NRXN1: variants seen among roughly 807,000 people sequenced by gnomAD.
NRXN1 encodes neurexin-1.
NRXN1 carries 39 observed loss-of-function variants against 150.9 expected under a neutral mutation model. The ratio of observed to expected loss-of-function variants is 0.26; its 90% CI spans 0.20 to 0.34. The LOEUF is 0.34. Among genes scored for constraint, NRXN1 ranks in the 10% least tolerant of loss-of-function variants. The pLI is 1.00. For missense variants in NRXN1, 1,815 were observed against 1,949.9 expected (o/e 0.93, Z 1.30); for synonymous variants, 924 against 757.0 (o/e 1.22, Z -3.62).
chr2:50,750,440 GAGAAA>G (rs908616428), intron 5 of NRXN1, among the ~76,000 whole-genome samples: 1 of 151,768 alleles, frequency 6.6e-6, no homozygotes, highest in Non-Finnish European at 1.5e-5. Flanking sequence ...AGGAAGAGAA[GAGAAA>G]AGAAGAGAAG....
intron 5 of NRXN1, among the ~76,000 whole-genome samples, chr2:50,868,123 G>C (rs1242408562): frequency 8.6e-6 from 1 of 115,686 alleles, no homozygotes; most frequent in African/African-American, 3.2e-5. Context: ...ATCACTGGAT[G>C]AATGGATAAA....
At chr2:50,895,569 T>C (rs573456897) in intron 5 of NRXN1, among the ~76,000 whole-genome samples, 2 of 117,700 alleles carry the variant, frequency 1.7e-5, no homozygotes, top group Non-Finnish European at 4.1e-5. Flanking sequence ...TTTTTGGTTG[T>C]TTTTTTTGTT....
chr2:50,083,318 A>G (rs72832033), intron 19 of NRXN1, among the ~76,000 whole-genome samples: 1 of 152,352 alleles, frequency 6.6e-6, no homozygotes, highest in Non-Finnish European at 1.5e-5. Context: ...AAACATCTGC[A>G]TTATCTGTTT....
chr2:50,399,465 T>C (rs1173427249), intron 17 of NRXN1, among the ~76,000 whole-genome samples: 1 of 151,892 alleles, frequency 6.6e-6, no homozygotes, highest in Non-Finnish European at 1.5e-5. Context: ...TTACCACAGT[T>C]GGGAAAAATA....
At chr2:50,835,271 A>G (rs1671951996) in intron 5 of NRXN1, among the ~76,000 whole-genome samples, 1 of 152,194 alleles carries the variant, frequency 6.6e-6, no homozygotes, top group Non-Finnish European at 1.5e-5. Context: ...ATGATATAAA[A>G]GAAAATCTAA....
At chr2:50,141,743 C>T (rs192853054) in intron 18 of NRXN1, among the ~76,000 whole-genome samples, 3 of 151,962 alleles carry the variant, frequency 2.0e-5, no homozygotes, top group Admixed American at 6.6e-5. Flanking sequence ...ATATGAAAAT[C>T]CAAACCTCCA....
At chr2:50,840,956 G>T (rs1393517370) in intron 5 of NRXN1, 1 of 152,476 alleles carries the variant, frequency 6.6e-6, no homozygotes, top group Non-Finnish European at 1.5e-5. Context: ...TCAGAAAGAA[G>T]TGCTAATTAG....
chr2:50,978,407 A>G (rs199725415), intron 2 of NRXN1, among the ~76,000 whole-genome samples: 2 of 149,816 alleles, frequency 1.3e-5, no homozygotes, highest in South Asian at 2.1e-4. Context: ...TTTTCAGGTC[A>G]ACAATATGTA....
chr2:50,372,196 C>A (rs1381687085), intron 17 of NRXN1, among the ~76,000 whole-genome samples: 1 of 152,026 alleles, frequency 6.6e-6, no homozygotes, highest in Admixed American at 6.6e-5. Context: ...TTCAGTTTGT[C>A]AGTATTCTCT....
chr2:50,359,006 A>T (rs2079008132), intron 17 of NRXN1, among the ~76,000 whole-genome samples: 1 of 152,230 alleles, frequency 6.6e-6, no homozygotes, highest in Non-Finnish European at 1.5e-5. Flanking sequence ...AGGAAAAGTA[A>T]CAGAAAGGAA....
intron 21 of NRXN1, chr2:49,973,200 C>T (rs1678261072): frequency 2.0e-5 from 3 of 152,130 alleles, no homozygotes; most frequent in Non-Finnish European, 4.4e-5. Flanking sequence ...ATTATTTCAT[C>T]TGGGAGGCAT....
chr2:50,919,217 G>T (rs1174540694), intron 5 of NRXN1: 1 of 151,712 alleles, frequency 6.6e-6, no homozygotes, highest in Non-Finnish European at 1.5e-5. Context: ...AAGGGATTTT[G>T]CAGTTTCCAA....
At chr2:50,324,861 T>G (rs1049324078) in intron 17 of NRXN1, among the ~76,000 whole-genome samples, 1 of 152,238 alleles carries the variant, frequency 6.6e-6, no homozygotes, top group African/African-American at 2.4e-5. Flanking sequence ...TGGAACTCCT[T>G]GAATTATATT....
At chr2:50,517,811 T>C (rs778727386) in intron 12 of NRXN1, among the ~76,000 whole-genome samples, 2 of 152,132 alleles carry the variant, frequency 1.3e-5, no homozygotes, top group Non-Finnish European at 2.9e-5. Flanking sequence ...TGTCCTCAAG[T>C]GGATGTGACC....
Position 50,472,320 on chromosome 2 carries a change from T to C in NRXN1, c.3222A>G (p.Gly1074=), listed in dbSNP as rs1377211637. 9 of 1,610,010 alleles carry C rather than the reference T, an allele frequency of 5.6e-6. No individual in the cohort carries two copies. The Admixed American group carries it at 1.2e-4, about 21-fold the overall frequency. Residue 1074 remains glycine (G), a synonymous_variant, in exon 16 of 23, where the codon GGA becomes GGG. Coordinates refer to ENST00000401669, the MANE Select transcript of NRXN1 (RefSeq NM_001330078.2). ...TACCTTCACATCCTCTCTCGATCTG[T>C]CCGTTGCAGAAAAGAGCATCGGAGA... ...DLISDALFCN[G]QIERGCEGPS...
intron 17 of NRXN1, among the ~76,000 whole-genome samples, chr2:50,365,005 G>A (rs1000888459): frequency 2.6e-5 from 4 of 151,964 alleles, no homozygotes; most frequent in Non-Finnish European, 5.9e-5. Flanking sequence ...CCTTTATGTT[G>A]TACTGCTTTG....
At chr2:50,499,609 C>A (rs2091836240) in intron 13 of NRXN1, among the ~76,000 whole-genome samples, 1 of 151,836 alleles carries the variant, frequency 6.6e-6, no homozygotes, top group Non-Finnish European at 1.5e-5. Flanking sequence ...CTAAAGACAC[C>A]AGCAACATTG....
chr2:50,816,105 G>T (rs909984542), intron 5 of NRXN1, among the ~76,000 whole-genome samples: 1 of 151,988 alleles, frequency 6.6e-6, no homozygotes, highest in Admixed American at 6.6e-5. Flanking sequence ...TTAAAATATT[G>T]TATCTTTTTG....
intron 17 of NRXN1, among the ~76,000 whole-genome samples, chr2:50,375,482 T>C (rs2080415734): frequency 1.9e-5 from 1 of 51,580 alleles, no homozygotes; most frequent in African/African-American, 1.7e-4. Context: ...ATTTGAAAGC[T>C]AGTCTGTTTA....
Sources: gnomAD v4.1 joint callset for allele counts (sites outside exome capture counted in the v4.1 genomes callset) on GRCh38, gnomAD v4.1.1 for gene constraint, MANE v1.5 for transcripts, NCBI Gene and HGNC (gene_info 2026-07-23, HGNC 2026-07-21) for gene names.